ITGA9: variants seen among roughly 807,000 people sequenced by gnomAD.
ITGA9 encodes integrin alpha-9.
In ITGA9, 56 loss-of-function variants were observed where a neutral mutation model predicts 127.8. The observed-to-expected ratio is 0.44, with a 90% confidence interval of 0.35 to 0.55. The LOEUF (loss-of-function observed/expected upper bound fraction) is 0.55, where lower values mean the gene tolerates loss of function less well. ITGA9 is among the 20% of genes least tolerant of loss of function. The pLI is 0.00. For synonymous variants in ITGA9, 508 were observed against 514.5 expected, an observed-to-expected ratio of 0.99 and a Z score of 0.17; for missense variants, 1,196 against 1,347.1, an observed-to-expected ratio of 0.89 and a Z score of 1.76.
intron 17 of ITGA9, among the ~76,000 whole-genome samples, chr3:37,673,552 C>A (rs894872975): frequency 5.9e-5 from 9 of 152,240 alleles, no homozygotes; most frequent in African/African-American, 2.2e-4. Context: ...CAGTCCCAGT[C>A]ACAATCACAA....
chr3:37,628,048 C>G (rs1264216577), intron 15 of ITGA9, among the ~76,000 whole-genome samples: 1 of 152,126 alleles, frequency 6.6e-6, no homozygotes, highest in Non-Finnish European at 1.5e-5. Context: ...TACTCTGCTC[C>G]AAACGCCCCC....
intron 26 of ITGA9, among the ~76,000 whole-genome samples, chr3:37,785,452 C>T (rs1416443739): frequency 1.3e-5 from 2 of 152,140 alleles, no homozygotes; most frequent in Non-Finnish European, 2.9e-5. Flanking sequence ...CGTCACATTA[C>T]TCCATGGGTA....
intron 17 of ITGA9, among the ~76,000 whole-genome samples, chr3:37,671,418 C>T (rs962994143): frequency 2.0e-5 from 3 of 152,158 alleles, no homozygotes; most frequent in Non-Finnish European, 4.4e-5. Context: ...AAGCAAATAT[C>T]GATTCTACCA....
intron 18 of ITGA9, among the ~76,000 whole-genome samples, chr3:37,710,380 G>A (rs1701065753): frequency 7.1e-6 from 1 of 141,634 alleles, no homozygotes; most frequent in South Asian, 2.5e-4. Context: ...GAAACTGACG[G>A]TGTTGTCAAG....
intron 17 of ITGA9, among the ~76,000 whole-genome samples, chr3:37,670,296 A>T (rs1461657619): frequency 6.6e-6 from 1 of 151,940 alleles, no homozygotes; most frequent in Non-Finnish European, 1.5e-5. Context: ...CACCATGCTC[A>T]CCTTTCCTCC....
intron 16 of ITGA9, among the ~76,000 whole-genome samples, chr3:37,647,848 T>C: frequency 7.1e-6 from 1 of 141,194 alleles, no homozygotes; most frequent in East Asian, 2.1e-4. Flanking sequence ...TATGTTTATA[T>C]ATGTGTATAT....
intron 23 of ITGA9, among the ~76,000 whole-genome samples, chr3:37,769,563 C>T (rs1696819485): frequency 6.6e-6 from 1 of 152,190 alleles, no homozygotes; most frequent in South Asian, 2.1e-4. Flanking sequence ...ATCTCCCCTG[C>T]CTCAGTTCTG....
chr3:37,771,616 C>T (rs370800845), intron 23 of ITGA9, among the ~76,000 whole-genome samples: 12 of 152,166 alleles, frequency 7.9e-5, no homozygotes, highest in African/African-American at 2.2e-4. Flanking sequence ...TTGGACAAGT[C>T]GCTGAACTCG....
At chr3:37,771,498 C>T (rs1196057926) in intron 23 of ITGA9, among the ~76,000 whole-genome samples, 1 of 150,686 alleles carries the variant, frequency 6.6e-6, no homozygotes, top group Non-Finnish European at 1.5e-5. Flanking sequence ...CCTGGAGACC[C>T]AAACTGGCAC....
At chr3:37,747,950 C>T (rs1246259494) in intron 22 of ITGA9, among the ~76,000 whole-genome samples, 1 of 152,036 alleles carries the variant, frequency 6.6e-6, no homozygotes. Context: ...CCACGTTGCC[C>T]AGCTGGTCTC....
intron 15 of ITGA9, among the ~76,000 whole-genome samples, chr3:37,604,888 G>A (rs1699954263): frequency 6.6e-6 from 1 of 152,150 alleles, no homozygotes; most frequent in Non-Finnish European, 1.5e-5. Flanking sequence ...GCCTAAGAAA[G>A]GCATGTCAGT....
chr3:37,617,465 A>G (rs1274345973), intron 15 of ITGA9, among the ~76,000 whole-genome samples: 1 of 152,120 alleles, frequency 6.6e-6, no homozygotes, highest in Admixed American at 6.5e-5. Flanking sequence ...CTCGAGGAGT[A>G]TCTTTGTGGC....
At chr3:37,543,008 G>A (rs1699289804) in intron 15 of ITGA9, among the ~76,000 whole-genome samples, 1 of 152,044 alleles carries the variant, frequency 6.6e-6, no homozygotes, top group South Asian at 2.1e-4. Context: ...TCACAGTTAA[G>A]GCATTTTAAA....
intron 1 of ITGA9, among the ~76,000 whole-genome samples, chr3:37,469,124 C>T (rs974687268): frequency 1.3e-5 from 2 of 152,198 alleles, no homozygotes; most frequent in African/African-American, 2.4e-5. Flanking sequence ...CCCCCGTGTT[C>T]TGCACTCACA....
At chr3:37,503,067 A>G (rs563351549) in intron 5 of ITGA9, 111 bp from the exon 6 acceptor site, 7 of 1,277,816 alleles carry the variant, frequency 5.5e-6, no homozygotes, top group Non-Finnish European at 6.6e-6. Flanking sequence ...GGGGAAAAAA[A>G]AGTTCTTGGT....
At chr3:37,486,908 T>C (rs1259354383) in intron 4 of ITGA9, among the ~76,000 whole-genome samples, 1 of 152,226 alleles carries the variant, frequency 6.6e-6, no homozygotes, top group African/African-American at 2.4e-5. Context: ...CTGGCTTTTA[T>C]TTCTAGTGTG....
At chr3:37,608,027 T>G (rs879703666) in intron 15 of ITGA9, among the ~76,000 whole-genome samples, 2 of 152,192 alleles carry the variant, frequency 1.3e-5, no homozygotes, top group African/African-American at 2.4e-5. Context: ...CAGTTACAGG[T>G]GAGCATCCGA....
chr3:37,757,155 A>G (rs1696662243), intron 23 of ITGA9, among the ~76,000 whole-genome samples: 1 of 151,942 alleles, frequency 6.6e-6, no homozygotes, highest in Non-Finnish European at 1.5e-5. Flanking sequence ...AAATGAAGGT[A>G]TTATTAAAGA....
chr3:37,713,104 C>G (rs1390775678), intron 18 of ITGA9, among the ~76,000 whole-genome samples: 1 of 152,106 alleles, frequency 6.6e-6, no homozygotes, highest in East Asian at 1.9e-4. Flanking sequence ...CTAGGACAGA[C>G]CAGCAGCTCT....
Sources: allele counts gnomAD v4.1 joint callset (sites outside exome capture counted in the v4.1 genomes callset), GRCh38; gene constraint gnomAD v4.1.1; transcripts MANE v1.5; gene names NCBI Gene and HGNC (gene_info 2026-07-23, HGNC 2026-07-21).